ACSM3: variants seen among roughly 807,000 people sequenced by gnomAD.
The protein encoded by ACSM3 is acyl-CoA synthetase medium chain family member 3.
A neutral mutation model predicts 74.1 loss-of-function variants in ACSM3; 61 were observed. That is an observed-to-expected ratio of 0.82 (90% CI 0.67 to 1.02). The LOEUF (loss-of-function observed/expected upper bound fraction) is 1.02, where lower values mean the gene tolerates loss of function less well. Among genes scored for constraint, ACSM3 ranks in the 50% least tolerant of loss-of-function variants. The pLI is 0.00. For missense variants in ACSM3, 660 were observed against 697.0 expected (o/e 0.95, Z 0.60); for synonymous variants, 213 against 241.5 (o/e 0.88, Z 1.09).
chr16:20,750,989 C>T (rs1010514934), intron 2 of ACSM3, among the ~76,000 whole-genome samples: 2 of 151,918 alleles, frequency 1.3e-5, no homozygotes. Context: ...GGATTACAGG[C>T]TCACACCACC....
At chr16:20,770,854 T>C (rs1185762086) in intron 2 of ACSM3, among the ~76,000 whole-genome samples, 1 of 152,196 alleles carries the variant, frequency 6.6e-6, no homozygotes, top group Non-Finnish European at 1.5e-5. Context: ...AGGCTACCCA[T>C]CATCCCAAAC....
At chr16:20,754,426 A>G (rs548459845) in intron 2 of ACSM3, among the ~76,000 whole-genome samples, 6 of 152,348 alleles carry the variant, frequency 3.9e-5, no homozygotes, top group Admixed American at 2.0e-4. Context: ...TTAAAATAAA[A>G]TGAAATATAA....
intron 12 of ACSM3, chr16:20,796,149 G>A (rs1274023361): frequency 1.6e-6 from 1 of 623,674 alleles, no homozygotes; most frequent in Non-Finnish European, 2.5e-6. Flanking sequence ...TGAGGGCTAG[G>A]CTGGATGAGG....
At chr16:20,769,005 G>A (rs981456488) in intron 1 of ACSM3, among the ~76,000 whole-genome samples, 12 of 152,082 alleles carry the variant, frequency 7.9e-5, no homozygotes, top group Non-Finnish European at 1.8e-4. Context: ...AACTGTAGAT[G>A]TCAGCTAAAC....
intron 1 of ACSM3, among the ~76,000 whole-genome samples, chr16:20,765,757 T>C (rs1032603213): frequency 6.6e-6 from 1 of 152,200 alleles, no homozygotes. Flanking sequence ...GTGTGTCTGT[T>C]TGTGTATACT....
rs2079762562 is a variant in ACSM3 at position 20,716,581 on chromosome 16, T to C, written c.-189-33329T>C. ...ATCGCAAGCAGCAGAGCATATTCTA[T>C]ATGCATCAAAGAAAATGCTAAACCA... On this transcript the variant is annotated intron_variant, in intron 1 of 3. Coordinates refer to the ACSM3 transcript ENST00000561584. Among the ~76,000 whole-genome samples the C allele has an allele frequency of 3.3e-5, 5 of 152,310 alleles. No homozygotes were observed. The South Asian group carries it at 1.0e-3, about 32-fold the overall frequency.
In ACSM3 at chr16:20,723,564, A is replaced by C. The variant is rs2079793760; in HGVS notation, c.-189-26346A>C. Reference sequence around the variant, plus strand: ...GCACCTGTTGTTTCCTGACTTTTTAATGATTGCCATTCTAACTGGTGTGAG... The same window carrying C: ...GCACCTGTTGTTTCCTGACTTTTTACTGATTGCCATTCTAACTGGTGTGAG... On this transcript the variant is annotated intron_variant, in intron 1 of 3. Coordinates refer to the ACSM3 transcript ENST00000561584. Among the ~76,000 whole-genome samples the C allele has an allele frequency of 4.6e-5, 7 of 151,938 alleles. No individual in the cohort carries two copies. In the South Asian group the frequency reaches 1.5e-3, roughly 32 times the overall value.
intron 1 of ACSM3, among the ~76,000 whole-genome samples, chr16:20,724,135 G>A (rs1407713896): frequency 6.6e-6 from 1 of 152,086 alleles, no homozygotes; most frequent in African/African-American, 2.4e-5. Context: ...TATTAAATAG[G>A]GAATCCTTTC....
chr16:20,680,675 A>G (rs7198885), intron 1 of ACSM3: 26,930 of 152,236 alleles, frequency 0.18, 2,914 homozygotes, highest in East Asian at 0.51. Flanking sequence ...GGGCAACAGT[A>G]TTATGATGAG....
intron 9 of ACSM3, among the ~76,000 whole-genome samples, chr16:20,788,769 A>G (rs1206303230): frequency 6.6e-6 from 1 of 152,228 alleles, no homozygotes; most frequent in Non-Finnish European, 1.5e-5. Flanking sequence ...ATCTATTAAA[A>G]TCTGTAAGTA....
chr16:20,795,724 C>T (rs937663814), intron 12 of ACSM3, among the ~76,000 whole-genome samples: 1 of 152,126 alleles, frequency 6.6e-6, no homozygotes, highest in Non-Finnish European at 1.5e-5. Context: ...TAGACTCATG[C>T]CTCTAGGGAA....
intron 1 of ACSM3, among the ~76,000 whole-genome samples, chr16:20,729,711 G>A (rs764415715): frequency 2.0e-5 from 3 of 151,736 alleles, no homozygotes; most frequent in African/African-American, 7.3e-5. Flanking sequence ...ACAATAAGTC[G>A]TGTCCCAAAG....
At chr16:20,783,692 G>A (rs1596526994) in intron 7 of ACSM3, 1 of 152,270 alleles carries the variant, frequency 6.6e-6, no homozygotes, top group South Asian at 2.1e-4. Flanking sequence ...GAAAAGTCTT[G>A]CTTCAAACCT....
chr16:20,742,815 T>TATATATATATATATATATA (rs1567334289), intron 1 of ACSM3, among the ~76,000 whole-genome samples: 3 of 47,060 alleles, frequency 6.4e-5, no homozygotes, highest in African/African-American at 1.7e-4. Flanking sequence ...ATATATATAT[T>TATATATATATATATATATA]TTTTTTTTTT....
At chr16:20,711,093 C>CA (rs915419124) in intron 1 of ACSM3, among the ~76,000 whole-genome samples, 150 of 134,038 alleles carry the variant, frequency 1.1e-3, no homozygotes, top group Middle Eastern at 7.9e-3. Context: ...GACTCTGTCT[C>CA]AAAAAAAAAA....
At chr16:20,694,795 G>T (rs2152344347) in intron 1 of ACSM3, among the ~76,000 whole-genome samples, 1 of 152,286 alleles carries the variant, frequency 6.6e-6, no homozygotes, top group East Asian at 1.9e-4. Context: ...CTTTAAAAAT[G>T]TAATTAAGTT....
At chr16:20,707,521 C>A (rs2079731392) in intron 1 of ACSM3, among the ~76,000 whole-genome samples, 1 of 152,156 alleles carries the variant, frequency 6.6e-6, no homozygotes, top group African/African-American at 2.4e-5. Flanking sequence ...CCAGTACCAG[C>A]CCTTTGGACC....
At chr16:20,767,972 AATTT>A (rs1290643020) in intron 1 of ACSM3, among the ~76,000 whole-genome samples, 1 of 152,210 alleles carries the variant, frequency 6.6e-6, no homozygotes, top group African/African-American at 2.4e-5. Flanking sequence ...GCCATGCCAA[AATTT>A]ATTTATGTAT....
intron 1 of ACSM3, among the ~76,000 whole-genome samples, chr16:20,742,641 CAA>C (rs35133233): frequency 4.6e-5 from 6 of 129,668 alleles, no homozygotes; most frequent in Non-Finnish European, 8.0e-5. Flanking sequence ...GGCTCTGTCT[CAA>C]AAAAAAAAAA....
Sources: gnomAD v4.1 joint callset for allele counts (sites outside exome capture counted in the v4.1 genomes callset) on GRCh38, gnomAD v4.1.1 for gene constraint, MANE v1.5 for transcripts, NCBI Gene and HGNC (gene_info 2026-07-23, HGNC 2026-07-21) for gene names.